The following GRB14 variants were observed in gnomAD, a reference collection of about 807,000 sequenced individuals.
GRB14 encodes growth factor receptor bound protein 14.
Under a neutral mutation model 69.1 loss-of-function variants are expected in GRB14, and 38 were observed. The ratio of observed to expected loss-of-function variants is 0.55; its 90% confidence interval spans 0.42 to 0.72. The LOEUF (loss-of-function observed/expected upper bound fraction) is 0.72. Ranked by LOEUF, GRB14 falls within the 30% of genes least tolerant of loss-of-function variation. The pLI, the probability that GRB14 is intolerant of heterozygous loss-of-function variation, is 0.00. For synonymous variants in GRB14, 247 were observed against 241.3 expected, an observed-to-expected ratio of 1.02 and a Z score of -0.22; for missense variants, 666 against 666.1, an observed-to-expected ratio of 1.00 and a Z score of 0.00.
chr2:164,592,768 A>G (rs1364114271), intron 2 of GRB14, among the ~76,000 whole-genome samples: 1 of 152,058 alleles, frequency 6.6e-6, no homozygotes. Flanking sequence ...CATACCAACA[A>G]TTTTTTTCAA....
At chr2:164,597,316 C>A (rs1689807154) in intron 2 of GRB14, among the ~76,000 whole-genome samples, 1 of 152,068 alleles carries the variant, frequency 6.6e-6, no homozygotes, top group Non-Finnish European at 1.5e-5. Context: ...TTTCATAGTG[C>A]AGATATATAT....
At chr2:164,609,349 C>T (rs896037027) in intron 2 of GRB14, among the ~76,000 whole-genome samples, 2 of 152,216 alleles carry the variant, frequency 1.3e-5, no homozygotes, top group Admixed American at 1.3e-4. Flanking sequence ...AGCTCTCCTA[C>T]GGGATCAACT....
At chr2:164,561,083 T>C (rs995417550) in intron 2 of GRB14, among the ~76,000 whole-genome samples, 1 of 152,092 alleles carries the variant, frequency 6.6e-6, no homozygotes, top group Non-Finnish European at 1.5e-5. Context: ...TCTGAGACCG[T>C]TCATTAGCCC....
Position 164,492,947 on chromosome 2 carries a change from T to C in GRB14, c.*89A>G. The C allele has an allele frequency of 3.3e-6, 4 of 1,208,800 alleles. No individual in the cohort carries two copies. The highest frequency in any genetic ancestry group is 4.6e-6 in the Non-Finnish European group (4 of 873,416). 74.9% of individuals were successfully genotyped at this position (1,208,800 alleles called of 1,614,324 possible). A position where few individuals can be genotyped will look rare whatever the true frequency, so the allele number is the denominator to read the frequency against. ...GCAGGTGAAATACATTCTTTTCACA[T>C]GGTAATGTTTTCGCCCTTATTTATG... On this transcript the variant is annotated 3_prime_UTR_variant, in exon 14 of 14. Transcript: ENST00000263915.
At chr2:164,604,783 C>T (rs546887186) in intron 2 of GRB14, among the ~76,000 whole-genome samples, 53 of 152,202 alleles carry the variant, frequency 3.5e-4, no homozygotes, top group African/African-American at 1.2e-3. Context: ...CTATATGATT[C>T]CATTTTAATG....
At chr2:164,593,291 A>G (rs576190851) in intron 2 of GRB14, among the ~76,000 whole-genome samples, 2 of 152,266 alleles carry the variant, frequency 1.3e-5, no homozygotes, top group East Asian at 3.9e-4. Context: ...AATATTATTA[A>G]ACTATATATA....
At chr2:164,610,265 A>G (rs1349385617) in intron 2 of GRB14, among the ~76,000 whole-genome samples, 1 of 152,220 alleles carries the variant, frequency 6.6e-6, no homozygotes, top group African/African-American at 2.4e-5. Flanking sequence ...AGAGACTCAT[A>G]CTATAAACCT....
chr2:164,557,520 A>C (rs1385697839), intron 2 of GRB14, among the ~76,000 whole-genome samples: 1 of 152,250 alleles, frequency 6.6e-6, no homozygotes, highest in Admixed American at 6.5e-5. Context: ...TGATGACTTA[A>C]TCACTTAGGA....
chr2:164,584,846 T>TC (rs1373202247), intron 2 of GRB14, among the ~76,000 whole-genome samples: 1 of 152,158 alleles, frequency 6.6e-6, no homozygotes, highest in African/African-American at 2.4e-5. Flanking sequence ...TACAAGGAAT[T>TC]CTCCAATTTA....
At chr2:164,540,986 A>G (rs1364960911) in intron 3 of GRB14, among the ~76,000 whole-genome samples, 2 of 152,226 alleles carry the variant, frequency 1.3e-5, no homozygotes, top group Admixed American at 6.5e-5. Context: ...AAAAGAAAAA[A>G]GAAAAAGAAG....
chr2:164,530,376 A>G (rs1388684501), intron 3 of GRB14, among the ~76,000 whole-genome samples: 1 of 151,782 alleles, frequency 6.6e-6, no homozygotes, highest in East Asian at 1.9e-4. Context: ...TGACCCAAAC[A>G]CCTCCCACTA....
At chr2:164,581,409 T>G (rs1689401446) in intron 2 of GRB14, among the ~76,000 whole-genome samples, 1 of 152,012 alleles carries the variant, frequency 6.6e-6, no homozygotes, top group Admixed American at 6.6e-5. Context: ...AAGAGGAGGA[T>G]CAGAGTGAGA....
intron 2 of GRB14, among the ~76,000 whole-genome samples, chr2:164,563,325 G>A (rs372019652): frequency 6.6e-5 from 10 of 152,156 alleles, no homozygotes; most frequent in Admixed American, 3.9e-4. Context: ...AGGAGATGGC[G>A]AGTTACCCAC....
chr2:164,499,920 A>G (rs973184298), intron 9 of GRB14, among the ~76,000 whole-genome samples: 5 of 152,164 alleles, frequency 3.3e-5, no homozygotes, highest in South Asian at 2.1e-4. Flanking sequence ...TCTAGATTAT[A>G]CAACCATCAC....
At chr2:164,536,797 A>G (rs964669408) in intron 3 of GRB14, among the ~76,000 whole-genome samples, 1 of 152,216 alleles carries the variant, frequency 6.6e-6, no homozygotes, top group African/African-American at 2.4e-5. Flanking sequence ...GTTAATTGAT[A>G]TTATAAACAA....
intron 2 of GRB14, among the ~76,000 whole-genome samples, chr2:164,595,705 G>C (rs1049627519): frequency 2.6e-5 from 4 of 152,192 alleles, no homozygotes; most frequent in African/African-American, 4.8e-5. Flanking sequence ...GTTCAGATTT[G>C]AGTTTTTATA....
chr2:164,561,024 C>G, intron 2 of GRB14, among the ~76,000 whole-genome samples: 1 of 152,066 alleles, frequency 6.6e-6, no homozygotes, highest in African/African-American at 2.4e-5. Context: ...GCTTAGAGTT[C>G]TGGGGCACAG....
chr2:164,569,113 A>G (rs1455939537), intron 2 of GRB14, among the ~76,000 whole-genome samples: 1 of 152,182 alleles, frequency 6.6e-6, no homozygotes, highest in African/African-American at 2.4e-5. Context: ...TCAAATACTT[A>G]TGTTTTTAAA....
At chr2:164,564,742 A>G (rs1256034880) in intron 2 of GRB14, among the ~76,000 whole-genome samples, 1 of 152,212 alleles carries the variant, frequency 6.6e-6, no homozygotes, top group Non-Finnish European at 1.5e-5. Context: ...TTGGCTGGGC[A>G]CGGTGGCTCA....
Sources: allele counts gnomAD v4.1 joint callset (sites outside exome capture counted in the v4.1 genomes callset), GRCh38; gene constraint gnomAD v4.1.1; transcripts MANE v1.5; gene names NCBI Gene and HGNC (gene_info 2026-07-23, HGNC 2026-07-21).